GPC6: variants seen among roughly 807,000 people sequenced by gnomAD.
GPC6 encodes the protein glypican 6, also known as glypican-6.
Under a neutral mutation model 55.2 loss-of-function variants are expected in GPC6, and 14 were observed. The observed-to-expected ratio is 0.25, with a 90% CI of 0.17 to 0.40. GPC6 has a LOEUF of 0.40. Among genes scored for constraint, GPC6 ranks in the 10% least tolerant of loss-of-function variants. The pLI is 1.00. For synonymous variants in GPC6, 278 were observed against 259.6 expected, an observed-to-expected ratio of 1.07 and a Z score of -0.68; for missense variants, 641 against 708.5, an observed-to-expected ratio of 0.90 and a Z score of 1.08.
At chr13:93,424,165 G>A (rs1188185970) in intron 1 of GPC6, among the ~76,000 whole-genome samples, 1 of 152,134 alleles carries the variant, frequency 6.6e-6, no homozygotes, top group Non-Finnish European at 1.5e-5. Flanking sequence ...AACAGGATTG[G>A]GCAGAAGGAA....
At chr13:94,090,023 A>G (rs9556355) in intron 4 of GPC6, among the ~76,000 whole-genome samples, 3 of 152,170 alleles carry the variant, frequency 2.0e-5, no homozygotes, top group East Asian at 3.9e-4. Context: ...TGTAAGCTAT[A>G]TGTGTTAGTC....
At chr13:94,134,636 A>G (rs1337268181) in intron 4 of GPC6, among the ~76,000 whole-genome samples, 1 of 152,206 alleles carries the variant, frequency 6.6e-6, no homozygotes, top group African/African-American at 2.4e-5. Flanking sequence ...ATTTATAATA[A>G]AATTATGGAA....
intron 1 of GPC6, among the ~76,000 whole-genome samples, chr13:93,500,966 T>C (rs931148985): frequency 6.6e-6 from 1 of 152,204 alleles, no homozygotes; most frequent in African/African-American, 2.4e-5. Flanking sequence ...TGATGCACTG[T>C]TGTGTTAACA....
intron 1 of GPC6, among the ~76,000 whole-genome samples, chr13:93,438,232 C>CA (rs1462308134): frequency 6.6e-6 from 1 of 152,166 alleles, no homozygotes; most frequent in Non-Finnish European, 1.5e-5. Context: ...TTCCTGCTAA[C>CA]ACGATACCCA....
intron 1 of GPC6, among the ~76,000 whole-genome samples, chr13:93,292,025 A>C (rs1878335539): frequency 6.6e-6 from 1 of 152,192 alleles, no homozygotes; most frequent in African/African-American, 2.4e-5. Context: ...TAAGAATCTC[A>C]GTTTTACCAG....
chr13:93,440,462 A>C (rs1877745517), intron 1 of GPC6, among the ~76,000 whole-genome samples: 1 of 152,182 alleles, frequency 6.6e-6, no homozygotes, highest in Non-Finnish European at 1.5e-5. Context: ...AGCTGAACCA[A>C]GTGCAATACA....
In GPC6 at chr13:94,396,569, G is replaced by A. The variant is rs116571305; in HGVS notation, c.1290-1897G>A. Among the ~76,000 whole-genome samples, 491 of 152,344 alleles carry A rather than the reference G, an allele frequency of 3.2e-3. 4 individuals carry two copies. The highest frequency in any genetic ancestry group is 0.011 in the African/African-American group (464 of 41,574). ...ACCTGGCCCCCTTACAAAAGGGTGG[G>A]CAGATCCCTGAAAGCTGGGAAATAT... On this transcript the variant is annotated intron_variant, in intron 7 of 8. Transcript: ENST00000377047.
At chr13:94,036,685 G>A (rs1297033669) in intron 4 of GPC6, among the ~76,000 whole-genome samples, 1 of 152,016 alleles carries the variant, frequency 6.6e-6, no homozygotes, top group East Asian at 1.9e-4. Flanking sequence ...TTGGTCGCAA[G>A]AGCTGGTAGA....
chr13:94,079,359 G>A (rs1885028658), intron 4 of GPC6, among the ~76,000 whole-genome samples: 1 of 152,042 alleles, frequency 6.6e-6, no homozygotes, highest in Non-Finnish European at 1.5e-5. Flanking sequence ...TAAACACAGT[G>A]ATATTTCAGA....
intron 2 of GPC6, among the ~76,000 whole-genome samples, chr13:93,826,056 C>T (rs1187749989): frequency 6.6e-6 from 1 of 151,812 alleles, no homozygotes; most frequent in Non-Finnish European, 1.5e-5. Flanking sequence ...GACGGGGTTT[C>T]ACCAGTTTGT....
intron 1 of GPC6, among the ~76,000 whole-genome samples, chr13:93,244,924 T>C (rs575041967): frequency 6.8e-6 from 1 of 147,456 alleles, no homozygotes; most frequent in African/African-American, 2.4e-5. Context: ...TAATCTGCCA[T>C]CTTCAAAAAA....
At chr13:94,189,757 T>C (rs781309712) in intron 4 of GPC6, among the ~76,000 whole-genome samples, 23 of 152,166 alleles carry the variant, frequency 1.5e-4, no homozygotes, top group Admixed American at 2.6e-4. Context: ...CGCGGTGGCT[T>C]ACGCCTGTAA....
intron 4 of GPC6, among the ~76,000 whole-genome samples, chr13:94,276,648 T>C (rs1043672018): frequency 2.0e-5 from 3 of 152,042 alleles, no homozygotes; most frequent in Non-Finnish European, 4.4e-5. Context: ...GTCCATATAT[T>C]CTCATTGTTC....
intron 2 of GPC6, among the ~76,000 whole-genome samples, chr13:93,676,122 AAAAAATATATATATATAT>A (rs1252344708): frequency 0.013 from 157 of 12,016 alleles, 1 homozygote; most frequent in Admixed American, 0.062. Context: ...AAAAAAAAAA[AAAAAATATATATATATAT>A]ATATATATAT....
chr13:94,041,334 T>C (rs1414382384), intron 4 of GPC6, among the ~76,000 whole-genome samples: 1 of 151,876 alleles, frequency 6.6e-6, no homozygotes, highest in Non-Finnish European at 1.5e-5. Context: ...TCCTTCTTGA[T>C]AAATCTGTAT....
rs565013672 is a variant in GPC6, at chr13:93,993,585, T to G, written c.712-34144T>G. Reference sequence around the variant, plus strand: ...TGCTGAGATTACAGGCATGAGCCAGTGCACCCAGACTCTTATTTTTTCAAA... The same window carrying G: ...TGCTGAGATTACAGGCATGAGCCAGGGCACCCAGACTCTTATTTTTTCAAA... On this transcript the variant is annotated intron_variant, in intron 3 of 8. Transcript: ENST00000377047. Among the ~76,000 whole-genome samples, 28 of 152,216 alleles carry G rather than the reference T, an allele frequency of 1.8e-4. No individual in the cohort carries two copies. The South Asian group carries it at 5.6e-3, about 30-fold the overall frequency.
At chr13:94,251,395 C>T (rs1049118661) in intron 4 of GPC6, among the ~76,000 whole-genome samples, 4 of 151,060 alleles carry the variant, frequency 2.6e-5, no homozygotes, top group Non-Finnish European at 4.4e-5. Flanking sequence ...GTGTAGAAAA[C>T]GACCATGGCA....
intron 2 of GPC6, among the ~76,000 whole-genome samples, chr13:93,688,448 G>A (rs143514251): frequency 1.3e-3 from 205 of 152,170 alleles, no homozygotes; most frequent in African/African-American, 4.8e-3. Flanking sequence ...GTTAAAAGCA[G>A]AGCGTTAGAT....
intron 4 of GPC6, among the ~76,000 whole-genome samples, chr13:94,103,555 CCTGACTTTGAATGATCACCATTCTAA>C (rs1176927577): frequency 6.6e-6 from 1 of 152,134 alleles, no homozygotes; most frequent in Non-Finnish European, 1.5e-5. Context: ...CCTGTTGTTT[CCTGACTTTGAATGATCACCATTCTAA>C]CTGGTGTAAG....
Sources: gnomAD v4.1 joint callset for allele counts (sites outside exome capture counted in the v4.1 genomes callset) on GRCh38, gnomAD v4.1.1 for gene constraint, MANE v1.5 for transcripts, NCBI Gene and HGNC (gene_info 2026-07-23, HGNC 2026-07-21) for gene names.